The following EPHA4 variants were observed in gnomAD, a reference collection of about 807,000 sequenced individuals.
The protein encoded by EPHA4 is EPH receptor A4, also known as ephrin type-A receptor 4.
Under a neutral mutation model 108.3 loss-of-function variants are expected in EPHA4, and 19 were observed. The ratio of observed to expected loss-of-function variants is 0.18; its 90% CI spans 0.12 to 0.26. The LOEUF (loss-of-function observed/expected upper bound fraction) is 0.26. Among genes scored for constraint, EPHA4 ranks in the 10% least tolerant of loss-of-function variants. EPHA4 has a pLI of 1.00. For synonymous variants in EPHA4, 449 were observed against 455.5 expected, an observed-to-expected ratio of 0.99 and a Z score of 0.18; for missense variants, 917 against 1,254.0, an observed-to-expected ratio of 0.73 and a Z score of 4.06.
intron 3 of EPHA4, among the ~76,000 whole-genome samples, chr2:221,561,134 T>C (rs1300244494): frequency 3.3e-5 from 5 of 151,856 alleles, no homozygotes; most frequent in African/African-American, 1.2e-4. Context: ...CCCAGCTACT[T>C]GGGAGGCTGA....
chr2:221,499,923 A>AT (rs1202298397), intron 4 of EPHA4, among the ~76,000 whole-genome samples: 1 of 150,688 alleles, frequency 6.6e-6, no homozygotes, highest in Non-Finnish European at 1.5e-5. Flanking sequence ...ATGCCAGCTA[A>AT]TTTTTGTATT....
chr2:221,555,698 C>T (rs1041293010), intron 3 of EPHA4, among the ~76,000 whole-genome samples: 1 of 152,186 alleles, frequency 6.6e-6, no homozygotes, highest in Non-Finnish European at 1.5e-5. Flanking sequence ...AAGTGAGATA[C>T]AGTCTCTCGG....
At chr2:221,520,247 T>C (rs958845023) in intron 3 of EPHA4, among the ~76,000 whole-genome samples, 1 of 152,100 alleles carries the variant, frequency 6.6e-6, no homozygotes, top group East Asian at 1.9e-4. Flanking sequence ...AGAGTACCAG[T>C]TGTTCTCACT....
chr2:221,467,396 T>C (rs188608002), intron 5 of EPHA4, among the ~76,000 whole-genome samples: 15 of 152,164 alleles, frequency 9.9e-5, no homozygotes, highest in Non-Finnish European at 1.2e-4. Context: ...AAAGGAAGTA[T>C]CATACTTATT....
intron 2 of EPHA4, among the ~76,000 whole-genome samples, chr2:221,566,443 C>A (rs1694628290): frequency 6.6e-6 from 1 of 152,094 alleles, no homozygotes; most frequent in South Asian, 2.1e-4. Flanking sequence ...CAATTCATTC[C>A]TTTGCTCTAA....
At chr2:221,527,694 T>A (rs1386836288) in intron 3 of EPHA4, among the ~76,000 whole-genome samples, 1 of 152,190 alleles carries the variant, frequency 6.6e-6, no homozygotes, top group Admixed American at 6.5e-5. Context: ...AACATAACAT[T>A]GGCCTGGATC....
intron 3 of EPHA4, among the ~76,000 whole-genome samples, chr2:221,557,458 T>G (rs1694339292): frequency 6.6e-6 from 1 of 152,234 alleles, no homozygotes; most frequent in East Asian, 1.9e-4. Flanking sequence ...TGCCAGGCCC[T>G]TTATACATTC....
At chr2:221,457,117 TC>T (rs1690982133) in intron 6 of EPHA4, among the ~76,000 whole-genome samples, 1 of 152,206 alleles carries the variant, frequency 6.6e-6, no homozygotes, top group Non-Finnish European at 1.5e-5. Context: ...AGGTCCCTTA[TC>T]TTTTTCTATT....
chr2:221,418,712 T>A lies in EPHA4; in HGVS notation c.*2660A>T, dbSNP rs1027233997. The A allele has an allele frequency of 3.9e-5, 6 of 152,332 alleles. No individual in the cohort carries two copies. The highest frequency in any genetic ancestry group is 1.4e-4 in the African/African-American group (6 of 41,458). The allele number at this position is 152,332 out of a possible 1,614,324, so 9.4% of individuals were successfully genotyped here. On this transcript the variant is annotated 3_prime_UTR_variant, in exon 18 of 18. Transcript: ENST00000281821. ...TACTTGATTTGGTGCAGCGGGGTAG[T>A]TTCCCACTGCTCTAGAGATCGGCAC...
intron 1 of EPHA4, chr2:221,569,543 T>C (rs1333815340): frequency 6.6e-6 from 1 of 151,964 alleles, no homozygotes; most frequent in African/African-American, 2.4e-5. Flanking sequence ...GCGTCAAAGC[T>C]TGGGGGGAAG....
At chr2:221,426,401 C>CAA in intron 16 of EPHA4, 63 bp downstream of exon 16, 1 of 1,531,190 alleles carries the variant, frequency 6.5e-7, no homozygotes, top group Non-Finnish European at 8.7e-7. Context: ...CAGCTCAAAG[C>CAA]AAAAAAAGAA....
Position 221,458,598 on chromosome 2 carries a change from T to C in EPHA4, c.1319-608A>G, listed in dbSNP as rs560417345. Among the ~76,000 whole-genome samples the C allele has an allele frequency of 6.6e-5, 10 of 152,338 alleles. No homozygotes were observed. In the East Asian group the frequency reaches 1.7e-3, roughly 26 times the overall value. On this transcript the variant is annotated intron_variant, in intron 5 of 17. Transcript: ENST00000281821. ...CAAGCAGTGCTGGTCTCTCTGAACA[T>C]GCGTGGCATTTTGCAGCTATTTTAC...
intron 4 of EPHA4, among the ~76,000 whole-genome samples, chr2:221,486,468 C>T (rs183560069): frequency 2.6e-5 from 4 of 152,024 alleles, no homozygotes; most frequent in South Asian, 2.1e-4. Context: ...CAGTGGCTCA[C>T]GCCTATAATC....
At chr2:221,483,091 T>C (rs60506918) in intron 4 of EPHA4, among the ~76,000 whole-genome samples, 1,655 of 152,364 alleles carry the variant, frequency 0.011, 36 homozygotes, top group African/African-American at 0.038. Context: ...AATAGTTATA[T>C]ACCACTTCTG....
At chr2:221,539,555 C>T (rs953476690) in intron 3 of EPHA4, among the ~76,000 whole-genome samples, 1 of 152,170 alleles carries the variant, frequency 6.6e-6, no homozygotes, top group Non-Finnish European at 1.5e-5. Context: ...TAGAAAAAGG[C>T]ACAGCAGCTA....
intron 4 of EPHA4, among the ~76,000 whole-genome samples, chr2:221,499,095 AAC>A (rs1692394998): frequency 6.6e-6 from 1 of 151,282 alleles, no homozygotes; most frequent in African/African-American, 2.4e-5. Flanking sequence ...TAACCTTTTT[AAC>A]AGTTACATCT....
At chr2:221,443,218 A>G (rs544416298) in intron 10 of EPHA4, among the ~76,000 whole-genome samples, 4 of 152,152 alleles carry the variant, frequency 2.6e-5, no homozygotes, top group Admixed American at 2.6e-4. Flanking sequence ...GCTTAATGCA[A>G]AAAACCTACA....
rs182752218 is a variant in EPHA4, at chr2:221,534,892, T to C, written c.823+28839A>G. Among the ~76,000 whole-genome samples, 357 of 152,324 alleles carry C rather than the reference T, an allele frequency of 2.3e-3. 1 individual carries two copies. The highest frequency in any genetic ancestry group is 7.5e-3 in the South Asian group (36 of 4,820). On this transcript the variant is annotated intron_variant, in intron 3 of 17. Transcript: ENST00000281821. ...TTGAGCATCTACATGATTTAACTTT[T>C]TTGTTGACCAGAAAGCATATATTCA...
At chr2:221,477,046 T>TA (rs529651853) in intron 5 of EPHA4, among the ~76,000 whole-genome samples, 1 of 148,940 alleles carries the variant, frequency 6.7e-6, no homozygotes, top group Non-Finnish European at 1.5e-5. Context: ...GCCACTTTAT[T>TA]TTATTATTAT....
Sources: allele counts gnomAD v4.1 joint callset (sites outside exome capture counted in the v4.1 genomes callset), GRCh38; gene constraint gnomAD v4.1.1; transcripts MANE v1.5; gene names NCBI Gene and HGNC (gene_info 2026-07-23, HGNC 2026-07-21).